The following TM4SF20 variants were observed in gnomAD, a reference collection of about 807,000 sequenced individuals.
TM4SF20 encodes the protein transmembrane 4 L6 family member 20.
Under a neutral mutation model 15.1 loss-of-function variants are expected in TM4SF20, and 13 were observed. The observed-to-expected ratio is 0.86, with a 90% CI of 0.56 to 1.36. The LOEUF (loss-of-function observed/expected upper bound fraction) is 1.36, where lower values mean the gene tolerates loss of function less well. Among genes scored for constraint, TM4SF20 ranks in the 40% most tolerant of loss-of-function variants. The probability of loss-of-function intolerance (pLI) is 0.00; values close to 1 mark genes in which losing one functional copy is unlikely to be tolerated. For synonymous variants in TM4SF20, 92 were observed against 96.6 expected, an observed-to-expected ratio of 0.95 and a Z score of 0.28; for missense variants, 282 against 268.4, an observed-to-expected ratio of 1.05 and a Z score of -0.35.
intron 1 of TM4SF20, among the ~76,000 whole-genome samples, chr2:227,372,824 C>A (rs1478802611): frequency 1.3e-5 from 2 of 152,138 alleles, no homozygotes; most frequent in African/African-American, 4.8e-5. Flanking sequence ...CCCACCTCAG[C>A]CTCCCGAGTC....
At chr2:227,369,853 T>C (rs561773319) in intron 2 of TM4SF20, among the ~76,000 whole-genome samples, 2 of 152,356 alleles carry the variant, frequency 1.3e-5, no homozygotes, top group African/African-American at 4.8e-5. Context: ...ATAGCCATGT[T>C]CATGGTATAA....
At chr2:227,364,721 T>A (rs985668193) in intron 3 of TM4SF20, among the ~76,000 whole-genome samples, 13 of 152,146 alleles carry the variant, frequency 8.5e-5, no homozygotes, top group Non-Finnish European at 1.5e-4. Flanking sequence ...CAAGGATCAC[T>A]CTCTTGTAAC....
chr2:227,378,454 G>T (rs973741357), intron 1 of TM4SF20, among the ~76,000 whole-genome samples: 3 of 152,188 alleles, frequency 2.0e-5, no homozygotes, highest in Admixed American at 6.5e-5. Flanking sequence ...CTGCTCTGCT[G>T]CAGATTTCAA....
upstream of TM4SF20, among the ~76,000 whole-genome samples, chr2:227,381,357 G>A (rs1391269214): frequency 1.3e-5 from 2 of 151,866 alleles, no homozygotes; most frequent in African/African-American, 2.4e-5. Context: ...ACTGGGTTGA[G>A]AGACAGGAGA....
At chr2:227,373,176 G>A (rs1307380550) in intron 1 of TM4SF20, among the ~76,000 whole-genome samples, 3 of 152,134 alleles carry the variant, frequency 2.0e-5, no homozygotes, top group East Asian at 1.9e-4. Flanking sequence ...GGCCACATCT[G>A]CCTTTATTCT....
chr2:227,370,911 T>C lies in TM4SF20; in HGVS notation c.249+4A>G, dbSNP rs1444598538. 2 of 1,613,618 alleles carry C rather than the reference T, an allele frequency of 1.2e-6. No homozygotes were observed. Among genetic ancestry groups the C allele is most frequent in the Admixed American group, 3.3e-5 (2 of 60,016 alleles). ...TGCTTCCACGCCGACTGCTTCATAC[T>C]TACTCCAGTTCTGTTGTTGCAGCAC... On this transcript the variant is annotated splice_donor_region_variant and intron_variant, in intron 2 of 3. Transcript: ENST00000304568.
At chr2:227,372,835 G>A (rs548245891) in intron 1 of TM4SF20, among the ~76,000 whole-genome samples, 10 of 152,244 alleles carry the variant, frequency 6.6e-5, no homozygotes, top group South Asian at 6.2e-4. Context: ...CTCCCGAGTC[G>A]TTGGGACTAC....
chr2:227,370,151 G>A (rs896247695), intron 2 of TM4SF20, among the ~76,000 whole-genome samples: 1 of 152,132 alleles, frequency 6.6e-6, no homozygotes, highest in Admixed American at 6.5e-5. Flanking sequence ...AAAAAACCTG[G>A]CAGCTCCTTT....
At chr2:227,368,257 T>C (rs1211541664) in intron 2 of TM4SF20, among the ~76,000 whole-genome samples, 1 of 148,512 alleles carries the variant, frequency 6.7e-6, no homozygotes, top group Non-Finnish European at 1.5e-5. Context: ...TCTCCTGACC[T>C]TGTGATCCGC....
intron 2 of TM4SF20, among the ~76,000 whole-genome samples, chr2:227,367,212 A>G (rs1310451665): frequency 2.0e-5 from 3 of 152,142 alleles, no homozygotes; most frequent in Non-Finnish European, 4.4e-5. Context: ...GGCATTGCCA[A>G]ATATCCTCTT....
chr2:227,371,920 T>C (rs1560005708), intron 1 of TM4SF20, among the ~76,000 whole-genome samples: 1 of 152,228 alleles, frequency 6.6e-6, no homozygotes, highest in Non-Finnish European at 1.5e-5. Context: ...AAATACACGT[T>C]GCCAAGGAAA....
At chr2:227,373,270 A>G (rs988966450) in intron 1 of TM4SF20, among the ~76,000 whole-genome samples, 10 of 145,346 alleles carry the variant, frequency 6.9e-5, no homozygotes, top group African/African-American at 2.8e-4. Context: ...TACTGCCTCC[A>G]TGTCACTTTG....
At chr2:227,365,182 A>G (rs1053755860) in intron 3 of TM4SF20, among the ~76,000 whole-genome samples, 23 of 152,240 alleles carry the variant, frequency 1.5e-4, no homozygotes, top group African/African-American at 5.5e-4. Context: ...AAGTGCTGGG[A>G]TTACAGGCGT....
Position 227,362,552 on chromosome 2 carries a change from A to G in TM4SF20, c.*1172T>C, listed in dbSNP as rs766143772. On this transcript the variant is annotated 3_prime_UTR_variant, in exon 4 of 4. Transcript: ENST00000304568. ...CGTAACACCACAAGTGGAAAATTCC[A>G]TACCTGACCTCATGTGATGAGTTGC... 5.3e-5 allele frequency: 8 copies of G among 152,230 alleles called. No homozygotes were observed. Among genetic ancestry groups the G allele is most frequent in the Non-Finnish European group, 1.2e-4 (8 of 68,040 alleles). 9.4% of individuals were successfully genotyped at this position (152,230 alleles called of 1,614,324 possible).
intron 3 of TM4SF20, among the ~76,000 whole-genome samples, chr2:227,364,930 A>G (rs2076384509): frequency 2.0e-5 from 3 of 152,146 alleles, no homozygotes; most frequent in Admixed American, 6.5e-5. Flanking sequence ...TTTGTTTTTG[A>G]GACACAGTCT....
intron 2 of TM4SF20, among the ~76,000 whole-genome samples, chr2:227,369,244 T>A (rs1415003637): frequency 6.6e-6 from 1 of 152,234 alleles, no homozygotes; most frequent in African/African-American, 2.4e-5. Flanking sequence ...GGGTAATTTT[T>A]AAAAATATGA....
At chr2:227,364,195 CT>C (rs2076378701) in intron 3 of TM4SF20, among the ~76,000 whole-genome samples, 183 bp from the exon 4 acceptor site, 1 of 152,116 alleles carries the variant, frequency 6.6e-6, no homozygotes, top group Non-Finnish European at 1.5e-5. Flanking sequence ...ACTTTTATTA[CT>C]TATATAGCCC....
At position 227,363,592 on chromosome 2, in the gene TM4SF20, G is replaced by A; in HGVS notation, c.*132C>T. 3 of 842,342 alleles carry A rather than the reference G, an allele frequency of 3.6e-6. No homozygotes were observed. Among genetic ancestry groups the A allele is most frequent in the Admixed American group, 2.7e-5 (1 of 36,542 alleles). 52.2% of individuals were successfully genotyped at this position (842,342 alleles called of 1,614,324 possible). A position where few individuals can be genotyped will look rare whatever the true frequency, so the allele number is the denominator to read the frequency against. On this transcript the variant is annotated 3_prime_UTR_variant, in exon 4 of 4. Coordinates refer to ENST00000304568, the MANE Select transcript of TM4SF20 (RefSeq NM_024795.4). ...TCCCAAATCAACCACTGATATGAGA[G>A]TGTTATGCATTTACAACGTGCTTTC...
At chr2:227,378,060 ACT>A (rs370675463) in intron 1 of TM4SF20, among the ~76,000 whole-genome samples, 193 of 145,866 alleles carry the variant, frequency 1.3e-3, no homozygotes, top group African/African-American at 1.4e-3. Flanking sequence ...CTTACAGCTT[ACT>A]CTCTCTCTCT....
Sources: gnomAD v4.1 joint callset for allele counts (sites outside exome capture counted in the v4.1 genomes callset) on GRCh38, gnomAD v4.1.1 for gene constraint, MANE v1.5 for transcripts, NCBI Gene and HGNC (gene_info 2026-07-23, HGNC 2026-07-21) for gene names.